Variants in NTM observed in about 807,000 individuals in gnomAD.
NTM encodes neurotrimin, also known as IgLON family member 2.
Under a neutral mutation model 42.1 loss-of-function variants are expected in NTM, and 13 were observed. The observed-to-expected ratio is 0.31, with a 90% CI of 0.20 to 0.49. NTM has a LOEUF of 0.49. NTM is among the 20% of genes least tolerant of loss of function. NTM has a pLI of 0.99. For synonymous variants in NTM, 187 were observed against 179.2 expected, an observed-to-expected ratio of 1.04 and a Z score of -0.35; for missense variants, 373 against 452.8, an observed-to-expected ratio of 0.82 and a Z score of 1.60.
At chr11:131,511,938 CGG>C (rs2048305811) in intron 1 of NTM, among the ~76,000 whole-genome samples, 1 of 152,116 alleles carries the variant, frequency 6.6e-6, no homozygotes, top group South Asian at 2.1e-4. Context: ...GTGCAGGGCC[CGG>C]CCCCTATTCT....
chr11:132,126,423 TG>T (rs1293628242), intron 2 of NTM, among the ~76,000 whole-genome samples: 1 of 152,006 alleles, frequency 6.6e-6, no homozygotes, highest in Non-Finnish European at 1.5e-5. Flanking sequence ...CTGTGATAAG[TG>T]GGGGCTGAGC....
intron 2 of NTM, among the ~76,000 whole-genome samples, chr11:132,106,994 C>T (rs1394666242): frequency 6.6e-6 from 1 of 152,122 alleles, no homozygotes; most frequent in Non-Finnish European, 1.5e-5. Context: ...GTTCTCCTTT[C>T]ACTCTAAGAA....
At chr11:131,617,988 G>C (rs1471052717) in intron 1 of NTM, among the ~76,000 whole-genome samples, 1 of 152,226 alleles carries the variant, frequency 6.6e-6, no homozygotes. Flanking sequence ...GGGCTACTCT[G>C]ATGTGGCCTG....
chr11:132,240,595 C>T (rs1473242785), intron 4 of NTM, among the ~76,000 whole-genome samples: 2 of 152,216 alleles, frequency 1.3e-5, no homozygotes. Context: ...CTCTAGAGAG[C>T]AGCTGTTCGC....
chr11:131,744,643 C>T (rs1180914889), intron 1 of NTM, among the ~76,000 whole-genome samples: 1 of 152,042 alleles, frequency 6.6e-6, no homozygotes, highest in African/African-American at 2.4e-5. Flanking sequence ...AGATGAATTT[C>T]CTAATTGTGT....
chr11:132,222,277 G>A (rs536311265), intron 4 of NTM, among the ~76,000 whole-genome samples: 10 of 152,238 alleles, frequency 6.6e-5, no homozygotes, highest in South Asian at 2.1e-4. Context: ...TGGCCGTGGC[G>A]CACAGGACGG....
At chr11:131,435,143 G>A (rs934269446) in intron 1 of NTM, among the ~76,000 whole-genome samples, 10 of 152,080 alleles carry the variant, frequency 6.6e-5, no homozygotes, top group African/African-American at 2.2e-4. Context: ...TGTTCCATTG[G>A]TCTATATATC....
chr11:132,326,868 ACTTAC>A (rs1319999823), intron 7 of NTM, among the ~76,000 whole-genome samples: 10 of 152,302 alleles, frequency 6.6e-5, no homozygotes, highest in Admixed American at 2.6e-4. Context: ...TCCAAGTTAT[ACTTAC>A]CTTACCTCAG....
chr11:131,695,078 G>A (rs1380096306), intron 1 of NTM, among the ~76,000 whole-genome samples: 1 of 152,146 alleles, frequency 6.6e-6, no homozygotes, highest in Non-Finnish European at 1.5e-5. Context: ...GTCTGCCAGG[G>A]GAAACGCACG....
chr11:132,064,557 C>T (rs1186055049), intron 2 of NTM, among the ~76,000 whole-genome samples: 2 of 152,126 alleles, frequency 1.3e-5, no homozygotes, highest in Non-Finnish European at 2.9e-5. Flanking sequence ...AATAGTGAGG[C>T]CTCCTACAAT....
rs147795202 is a variant in NTM, at chr11:131,737,290, C to T, written c.83-174274C>T. 3.9e-5 allele frequency among the ~76,000 whole-genome samples: 6 copies of T among 152,178 alleles called. No individual in the cohort carries two copies. The South Asian group carries it at 8.3e-4, about 21-fold the overall frequency. On this transcript the variant is annotated intron_variant, in intron 1 of 8. Coordinates refer to ENST00000683400, the MANE Select transcript of NTM (RefSeq NM_001352005.2). ...ATGATTCCAAGTGAATTGGAAGGGT[C>T]GAAGCAGAGCCACAGATGCAGGGAT...
intron 4 of NTM, among the ~76,000 whole-genome samples, chr11:132,278,347 G>T (rs2093816565): frequency 6.6e-6 from 1 of 152,198 alleles, no homozygotes; most frequent in Non-Finnish European, 1.5e-5. Context: ...CAGTTGGAAA[G>T]ACCTGAAGGC....
intron 1 of NTM, among the ~76,000 whole-genome samples, chr11:131,401,229 C>T (rs1419956871): frequency 6.6e-6 from 1 of 152,128 alleles, no homozygotes; most frequent in Non-Finnish European, 1.5e-5. Flanking sequence ...AATACACTCT[C>T]AGGTCATCTA....
At chr11:131,761,740 C>A (rs942758004) in intron 1 of NTM, among the ~76,000 whole-genome samples, 2 of 151,796 alleles carry the variant, frequency 1.3e-5, no homozygotes, top group African/African-American at 4.8e-5. Flanking sequence ...ACCTGGCAGG[C>A]GGAGGTTGTG....
chr11:132,011,411 A>C (rs2072158892), intron 2 of NTM, among the ~76,000 whole-genome samples: 2 of 152,174 alleles, frequency 1.3e-5, no homozygotes, highest in South Asian at 4.1e-4. Flanking sequence ...AAAACAGATA[A>C]TGGCAGCGGA....
At chr11:132,043,620 C>T (rs768395394) in intron 2 of NTM, among the ~76,000 whole-genome samples, 4 of 152,160 alleles carry the variant, frequency 2.6e-5, no homozygotes, top group Non-Finnish European at 4.4e-5. Flanking sequence ...AAAGTGGTCA[C>T]CCGTTATGGC....
intron 1 of NTM, among the ~76,000 whole-genome samples, chr11:131,424,831 A>T (rs1334061215): frequency 1.3e-5 from 2 of 149,008 alleles, no homozygotes; most frequent in African/African-American, 4.9e-5. Context: ...GGCCTCCCAA[A>T]GTGCTGGGAT....
rs537770583 is a variant in NTM at position 132,256,911 on chromosome 11, G to T, written c.526+44764G>T. On this transcript the variant is annotated intron_variant, in intron 4 of 8. Coordinates refer to ENST00000683400, the MANE Select transcript of NTM (RefSeq NM_001352005.2). ...TGTTTGTCTGGCTGCATTTCTGCAG[G>T]AGCATCTGTCACTCTCCAATATTTC... Among the ~76,000 whole-genome samples, 136 of 152,272 alleles carry T rather than the reference G, an allele frequency of 8.9e-4. 1 individual carries two copies. Among genetic ancestry groups the T allele is most frequent in the African/African-American group, 3.2e-3 (135 of 41,566 alleles).
intron 4 of NTM, among the ~76,000 whole-genome samples, chr11:132,233,922 G>A (rs779599609): frequency 1.9e-4 from 29 of 152,214 alleles, no homozygotes; most frequent in Non-Finnish European, 4.0e-4. Context: ...TTCCAAGAGT[G>A]GCCCCTGCCA....
Sources: allele counts gnomAD v4.1 joint callset (sites outside exome capture counted in the v4.1 genomes callset), GRCh38; gene constraint gnomAD v4.1.1; transcripts MANE v1.5; gene names NCBI Gene and HGNC (gene_info 2026-07-23, HGNC 2026-07-21).